The following DMD variants were observed in gnomAD, a reference collection of about 807,000 sequenced individuals.
DMD encodes the protein mutant dystrophin.
DMD carries 63 observed loss-of-function variants against 330.1 expected under a neutral mutation model. That is an observed-to-expected ratio of 0.19 (90% CI 0.16 to 0.24). DMD has a LOEUF of 0.24. Ranked by LOEUF, DMD falls within the 10% of genes least tolerant of loss-of-function variation. The probability of loss-of-function intolerance (pLI) is 1.00; values close to 1 mark genes in which losing one functional copy is unlikely to be tolerated. For missense variants in DMD, 3,344 were observed against 2,684.1 expected (o/e 1.25, Z -5.43); for synonymous variants, 1,223 against 959.8 (o/e 1.27, Z -5.07).
chrX:32,217,088 A>G, intron 43 of DMD, 25 bp from the exon 44 acceptor site: 1 of 1,198,115 alleles, frequency 8.3e-7, no homozygotes, highest in Non-Finnish European at 1.1e-6. Context: ...ATATGGATCA[A>G]GAAAAATAGA....
At chrX:32,606,597 C>A (rs808521) in intron 12 of DMD, among the ~76,000 whole-genome samples, 53,091 of 107,788 alleles carry the variant, frequency 0.49, 11,207 homozygotes, top group African/African-American at 0.82. Context: ...CATGAAAAAG[C>A]TACCTGCAGT....
chrX:33,261,383 C>T (rs2052952748), intron 1 of DMD, among the ~76,000 whole-genome samples: 1 of 110,491 alleles, frequency 9.1e-6, no homozygotes, highest in East Asian at 2.8e-4. Flanking sequence ...ATATCAGACA[C>T]AGTAGCTGCA....
At chrX:33,045,652 G>C (rs904072659) in intron 1 of DMD, among the ~76,000 whole-genome samples, 2 of 108,813 alleles carry the variant, frequency 1.8e-5, no homozygotes, top group African/African-American at 3.4e-5. Context: ...GGGGTGTGGG[G>C]AGGGTCCTGA....
chrX:31,249,514 T>A (rs1483327129), intron 63 of DMD, among the ~76,000 whole-genome samples: 1 of 111,512 alleles, frequency 9.0e-6, no homozygotes, highest in Non-Finnish European at 1.9e-5. Flanking sequence ...CAAAGTGTAG[T>A]CTTTTTTATC....
intron 2 of DMD, among the ~76,000 whole-genome samples, chrX:32,984,062 A>G: frequency 1.8e-5 from 2 of 111,344 alleles, no homozygotes; most frequent in Non-Finnish European, 1.9e-5. Flanking sequence ...CCTGCCAGCT[A>G]AAGAAAATTC....
At chrX:33,285,181 T>A (rs5972809) in intron 1 of DMD, among the ~76,000 whole-genome samples, 1 of 110,179 alleles carries the variant, frequency 9.1e-6, no homozygotes, top group African/African-American at 3.3e-5. Context: ...TTTCTCAACT[T>A]ACAAAGTACA....
chrX:31,167,011 C>T (rs1188723204), intron 74 of DMD, among the ~76,000 whole-genome samples: 1 of 111,698 alleles, frequency 9.0e-6, no homozygotes, highest in African/African-American at 3.3e-5. Context: ...AAGCGGTTAT[C>T]GCTGTGCCAC....
chrX:31,580,806 T>TC (rs1491185754), intron 55 of DMD, among the ~76,000 whole-genome samples: 1 of 111,691 alleles, frequency 9.0e-6, no homozygotes, highest in Non-Finnish European at 1.9e-5. Flanking sequence ...ATAATTTCTC[T>TC]TTCTCTCTCT....
intron 7 of DMD, among the ~76,000 whole-genome samples, chrX:32,705,006 T>C (rs759056699): frequency 2.7e-5 from 3 of 112,524 alleles, no homozygotes; most frequent in East Asian, 5.6e-4. Flanking sequence ...TTGTAGACCA[T>C]ATCATGGCAA....
chrX:33,192,373 A>G (rs1039187304), intron 1 of DMD, among the ~76,000 whole-genome samples: 1 of 112,453 alleles, frequency 8.9e-6, no homozygotes, highest in Non-Finnish European at 1.9e-5. Context: ...AGTCAATGAA[A>G]TGAATGCTCT....
At chrX:33,008,563 A>T (rs1248758555) in intron 2 of DMD, among the ~76,000 whole-genome samples, 4 of 110,211 alleles carry the variant, frequency 3.6e-5, no homozygotes, top group Non-Finnish European at 5.7e-5. Context: ...TTTATTCTTA[A>T]GAAAAATATA....
chrX:31,627,677 C>A lies in DMD; in HGVS notation c.8213G>T (p.Trp2738Leu). The A allele has an allele frequency of 8.3e-7, 1 of 1,210,948 alleles. No individual in the cohort carries two copies. Among genetic ancestry groups the A allele is most frequent in the Non-Finnish European group, 1.1e-6 (1 of 895,113 alleles). Residue 2738 changes from tryptophan (W) to leucine (L), a missense_variant, in exon 55 of 79, where the codon TGG (tryptophan) becomes TTG (leucine). By Grantham distance (61) the Trp-to-Leu change is moderately conservative. Coordinates refer to ENST00000357033, the MANE Select transcript of DMD (RefSeq NM_004006.3). ...SKGVKELMKQ[W>L]QDLQGEIEAH... Reference sequence around the variant, plus strand: ...AAGCGGAAATGCCTGACTTACTTGCCATTGTTTCATCAGCTCTTTTACTCC... The same window carrying A: ...AAGCGGAAATGCCTGACTTACTTGCAATTGTTTCATCAGCTCTTTTACTCC...
intron 1 of DMD, among the ~76,000 whole-genome samples, chrX:33,025,690 C>T (rs1226454454): frequency 9.0e-6 from 1 of 110,841 alleles, no homozygotes; most frequent in African/African-American, 3.3e-5. Context: ...GTAGCTAGGA[C>T]TCTAGGCACA....
rs144523592 is a variant in DMD, at chrX:31,383,000, A to G, written c.9085-34366T>C. Reference sequence around the variant, plus strand: ...ATCCAGATGGCCTGAAGTAACTGAAAAATCACAAAAGAAGTGAAATTTAAA... The same window carrying G: ...ATCCAGATGGCCTGAAGTAACTGAAGAATCACAAAAGAAGTGAAATTTAAA... On this transcript the variant is annotated intron_variant, in intron 60 of 78. Transcript: ENST00000357033. Among the ~76,000 whole-genome samples the G allele has an allele frequency of 4.1e-3, 465 of 112,251 alleles. 3 individuals carry two copies. The highest frequency in any genetic ancestry group is 4.7e-3 in the Non-Finnish European group (249 of 53,266).
chrX:32,547,259 T>G (rs909204746), intron 16 of DMD, among the ~76,000 whole-genome samples: 9 of 111,557 alleles, frequency 8.1e-5, no homozygotes, highest in African/African-American at 1.3e-4. Flanking sequence ...ATTTGACTCT[T>G]AAATTAATTT....
rs142321393 is a variant in DMD at position 32,844,229 on chromosome X, A to G, written c.264+554T>C. On this transcript the variant is annotated intron_variant, in intron 4 of 78. Transcript: ENST00000357033. ...AGACTAGCCTTGGCCAACATGGTGA[A>G]ACCCTGTCTCTACTAAAAATACAAA... is the stretch of plus-strand genomic sequence containing the variant. Among the ~76,000 whole-genome samples, 1,050 of 110,029 alleles carry G rather than the reference A, an allele frequency of 9.5e-3. 39 individuals carry two copies. Among genetic ancestry groups the G allele is most frequent in the Admixed American group, 0.076 (778 of 10,277 alleles).
Position 32,491,170 on chromosome X carries a change from T to G in DMD, c.2622+107A>C, listed in dbSNP as rs1438636345. The G allele has an allele frequency of 3.9e-6, 4 of 1,017,683 alleles. No individual in the cohort carries two copies. In the East Asian group the frequency reaches 9.2e-5, roughly 23 times the overall value. 83.9% of individuals were successfully genotyped at this position (1,017,683 alleles called of 1,213,427 possible). A position where few individuals can be genotyped will look rare whatever the true frequency, so the allele number is the denominator to read the frequency against. On this transcript the variant is annotated intron_variant, in intron 20 of 78. Transcript: ENST00000357033. Reference sequence around the variant, plus strand: ...AACTTTATTGCGCTTAGCTAAATCCTTAGAAGGTGAACGTTTCATTACTAA... The same window carrying G: ...AACTTTATTGCGCTTAGCTAAATCCGTAGAAGGTGAACGTTTCATTACTAA...
chrX:31,790,486 T>C (rs1453990771), intron 50 of DMD, among the ~76,000 whole-genome samples: 1 of 111,918 alleles, frequency 8.9e-6, no homozygotes, highest in Non-Finnish European at 1.9e-5. Context: ...AAGTAAATTA[T>C]TTATAAAAAC....
intron 44 of DMD, among the ~76,000 whole-genome samples, chrX:32,190,571 T>TATATATATA (rs2096970208): frequency 1.0e-5 from 1 of 96,089 alleles, no homozygotes; most frequent in East Asian, 3.2e-4. Flanking sequence ...TATATATATA[T>TATATATATA]ATATATATAT....
Sources: allele counts gnomAD v4.1 joint callset (sites outside exome capture counted in the v4.1 genomes callset), GRCh38; gene constraint gnomAD v4.1.1; transcripts MANE v1.5; gene names NCBI Gene and HGNC (gene_info 2026-07-23, HGNC 2026-07-21).